ANO8: variants seen among roughly 807,000 people sequenced by gnomAD.
ANO8 encodes anoctamin 8.
ANO8 carries 67 observed loss-of-function variants against 120.4 expected under a neutral mutation model. That is an observed-to-expected ratio of 0.56 (90% CI 0.46 to 0.68). ANO8 has a LOEUF of 0.68. ANO8 is among the 30% of genes least tolerant of loss of function. ANO8 has a pLI of 0.00. For missense variants in ANO8, 1,526 were observed against 1,737.6 expected, an observed-to-expected ratio of 0.88 and a Z score of 2.16; for synonymous variants, 727 against 759.2, an observed-to-expected ratio of 0.96 and a Z score of 0.70.
chr19:17,323,928 C>T, intron 17 of ANO8, 44 bp from the exon 18 acceptor site: 5 of 1,104,012 alleles, frequency 4.5e-6, no homozygotes, highest in Non-Finnish European at 5.5e-6. Context: ...GCCGCCCCCG[C>T]CGGACCCCGC....
Position 17,329,820 on chromosome 19 carries a change from G to A in ANO8, c.1341C>T (p.Val447=). 1 of 1,613,904 alleles carries A rather than the reference G, an allele frequency of 6.2e-7. No individual in the cohort carries two copies. Among genetic ancestry groups the A allele is most frequent in the Non-Finnish European group, 8.5e-7 (1 of 1,179,964 alleles). Residue 447 remains valine, a synonymous_variant, in exon 12 of 18, where the codon GTC becomes GTT. Transcript: ENST00000159087. The stretch of plus-strand genomic sequence containing the variant: ...TGTAGAAGAGGCTCAGGTACGAGTT[G>A]ACAAACTGGAACTGCAGGAAGGAGG... The part of the protein sequence containing the change: ...LIIKVVLFQF[V]NSYLSLFYIG...
rs752432408 is a variant in ANO8, at chr19:17,330,877, G to A, written c.944C>T (p.Thr315Met). The A allele has an allele frequency of 6.2e-6, 10 of 1,614,100 alleles. No individual in the cohort carries two copies. The highest frequency in any genetic ancestry group is 1.6e-4 in the Middle Eastern group (1 of 6,062). ...CACGGCTTCCCCAGGTGAGTCCAGC[G>A]TCCCCCACTTATATGCCAGCTCAGC... is the stretch of plus-strand genomic sequence containing the variant. ...RGAELAYKWG[T>M]LDSPGEAVEE... Residue 315 changes from threonine (T) to methionine (M), a missense_variant, in exon 8 of 18, where the codon ACG (threonine) becomes ATG (methionine). Transcript: ENST00000159087.
rs1467071489 is a variant in ANO8 at position 17,323,806 on chromosome 19, G to A, written c.3410C>T (p.Pro1137Leu). ...SRSPAPPPPM[P>L]LPRPPTPPAG... is the part of the protein sequence containing the mutation. ...GGGCGGTGTCGGGGGCCGGGGCAGC[G>A]GCATTGGCGGCGGCGGCGCGGGGCT... The change falls in exon 18 of 18, where the codon CCG (proline) becomes CTG (leucine). Residue 1137 changes from proline to leucine, a missense_variant. Around this residue, in one of 8 missense-constraint regions of ANO8, gnomAD observed 489 missense variants for 548.6 expected, o/e 0.89. Coordinates refer to ENST00000159087, the MANE Select transcript of ANO8 (RefSeq NM_020959.3). 3.5e-6 allele frequency: 4 copies of A among 1,147,716 alleles called. No homozygotes were observed. Among genetic ancestry groups the A allele is most frequent in the Non-Finnish European group, 4.3e-6 (4 of 933,734 alleles). The allele number at this position is 1,147,716 out of a possible 1,614,324, so 71.1% of individuals were successfully genotyped here.
chr19:17,325,037 G>A lies in ANO8; in HGVS notation c.3011C>T (p.Ala1004Val), dbSNP rs376345438. 6 of 1,612,842 alleles carry A rather than the reference G, an allele frequency of 3.7e-6. No homozygotes were observed. In the African/African-American group the frequency reaches 8.0e-5, roughly 22 times the overall value. Residue 1004 changes from alanine to valine, a missense_variant, in exon 17 of 18, where the codon GCC becomes GTC. Transcript: ENST00000159087. ...TSSLAAAGAG[A>V]TTRPPPAQSP... ...CTGGGCAGGGGGAGGCCGGGTGGTG[G>A]CTCCGGCCCCTGCAGCAGCCAGTGA...
chr19:17,334,778 C>A lies in ANO8; in HGVS notation c.-108G>T, dbSNP rs1303671574. ...GCGCGCGGGAGGAGGAGACAAAGGC[C>A]GCGCCCGCCCGCGCCGGCCTCGGTC... On this transcript the variant is annotated 5_prime_UTR_variant, in exon 1 of 18. Coordinates refer to ENST00000159087, the MANE Select transcript of ANO8 (RefSeq NM_020959.3). 5.2e-6 allele frequency: 6 copies of A among 1,156,652 alleles called. No homozygotes were observed. The South Asian group carries it at 1.1e-4, about 21-fold the overall frequency. 71.6% of individuals were successfully genotyped at this position (1,156,652 alleles called of 1,614,324 possible). A position where few individuals can be genotyped will look rare whatever the true frequency, so the allele number is the denominator to read the frequency against.
intron 16 of ANO8, among the ~76,000 whole-genome samples, chr19:17,326,233 T>C (rs2074273143): frequency 6.6e-6 from 1 of 152,046 alleles, no homozygotes; most frequent in African/African-American, 2.4e-5. Context: ...GCAGGCTGGG[T>C]ACGGTGGCTC....
rs200487915 is a variant in ANO8, at chr19:17,331,278, C to A, written c.703+17G>T. 2 of 1,614,076 alleles carry A rather than the reference C, an allele frequency of 1.2e-6. No individual in the cohort carries two copies. The highest frequency in any genetic ancestry group is 1.7e-6 in the Non-Finnish European group (2 of 1,180,048). ...TGTCTGCTGGGACTCCCTCCCACCC[C>A]CCAGCCCAGGCAGCACCTAGAGGCT... On this transcript the variant is annotated intron_variant, in intron 6 of 17. Transcript: ENST00000159087.
Position 17,328,305 on chromosome 19 carries a change from G to A in ANO8, c.2083C>T (p.Pro695Ser), listed in dbSNP as rs1437079574. The A allele has an allele frequency of 6.2e-7, 1 of 1,600,150 alleles. No homozygotes were observed. The highest frequency in any genetic ancestry group is 1.7e-5 in the Admixed American group (1 of 58,618). ...CTGTTGGAGCCGGGTTCCGGGTCCG[G>A]GCCCCCGTCGGGCCCCTGGTCTCGG... Reference protein sequence around the residue: ...EGRDQGPDGGPDPEPGSNSDS... With the variant: ...EGRDQGPDGGSDPEPGSNSDS... The change falls in exon 13 of 18, where the codon CCG becomes TCG. Residue 695 changes from proline to serine, a missense_variant. By Grantham distance (74) the Pro-to-Ser change is moderately conservative. Around this residue, in one of 8 missense-constraint regions of ANO8, gnomAD observed 467 missense variants for 425.8 expected, o/e 1.10. Coordinates refer to ENST00000159087, the MANE Select transcript of ANO8 (RefSeq NM_020959.3).
At chr19:17,331,470 C>T (rs1305512709) in intron 5 of ANO8, 59 bp from the exon 6 acceptor site, 6 of 1,523,618 alleles carry the variant, frequency 3.9e-6, no homozygotes, top group Non-Finnish European at 5.4e-6. Context: ...GCCTGGCTAG[C>T]CCCTCTTTGT....
Position 17,323,848 on chromosome 19 carries a change from C to G in ANO8, c.3368G>C (p.Arg1123Pro). The stretch of plus-strand genomic sequence containing the variant: ...CGCGGGGCTCCGGCTGCGGCGGGTG[C>G]GGAGGGCAGGGGCGCCCACGGGGGC... ...ALAPVGAPALRTRRSRSPAPP... is the reference protein window; with the variant it reads ...ALAPVGAPALPTRRSRSPAPP... Residue 1123 changes from arginine (R) to proline (P), a missense_variant, in exon 18 of 18, where the codon CGC becomes CCC. Around this residue, in one of 8 missense-constraint regions of ANO8, gnomAD observed 489 missense variants for 548.6 expected, o/e 0.89. Coordinates refer to ENST00000159087, the MANE Select transcript of ANO8 (RefSeq NM_020959.3). The G allele has an allele frequency of 8.9e-7, 1 of 1,125,536 alleles. No individual in the cohort carries two copies. The highest frequency in any genetic ancestry group is 1.1e-6 in the Non-Finnish European group (1 of 919,868). The allele number at this position is 1,125,536 out of a possible 1,614,324, so 69.7% of individuals were successfully genotyped here.
chr19:17,331,787 C>A (rs1466240808), intron 5 of ANO8, among the ~76,000 whole-genome samples: 2 of 151,522 alleles, frequency 1.3e-5, no homozygotes, highest in East Asian at 1.9e-4. Flanking sequence ...GCGCCCACCA[C>A]CACGCCCAGC....
chr19:17,328,149 G>GC lies in ANO8; in HGVS notation c.2226+12dup, dbSNP rs762262865. On this transcript the variant is annotated intron_variant, in intron 13 of 17. Transcript: ENST00000159087. ...GAGGCCCCGCCCCCTGCGAGGCCCCGCCCCCTCCTCACCTCGTACTTCTTC... is the reference window on the plus strand; with the variant it reads ...GAGGCCCCGCCCCCTGCGAGGCCCCGCCCCCCTCCTCACCTCGTACTTCTTC... 7.8e-7 allele frequency: 1 copy of GC among 1,287,546 alleles called. No individual in the cohort carries two copies. The highest frequency in any genetic ancestry group is 3.4e-5 in the East Asian group (1 of 29,592). 79.8% of individuals were successfully genotyped at this position (1,287,546 alleles called of 1,614,324 possible). A position where few individuals can be genotyped will look rare whatever the true frequency, so the allele number is the denominator to read the frequency against.
In ANO8 at chr19:17,330,585, C is replaced by T. The variant is rs542239905; in HGVS notation, c.994-81G>A. 6.9e-6 allele frequency: 10 copies of T among 1,445,956 alleles called. No individual in the cohort carries two copies. In the Admixed American group the frequency reaches 2.5e-4, roughly 36 times the overall value. 89.6% of individuals were successfully genotyped at this position (1,445,956 alleles called of 1,614,324 possible). A position where few individuals can be genotyped will look rare whatever the true frequency, so the allele number is the denominator to read the frequency against. Reference sequence around the variant, plus strand: ...TCTGCACCCCTCCCTATCCTCAGAACTCAATTTCCCTCCATCATGCGGAGG... The same window carrying T: ...TCTGCACCCCTCCCTATCCTCAGAATTCAATTTCCCTCCATCATGCGGAGG... On this transcript the variant is annotated intron_variant, in intron 8 of 17. Transcript: ENST00000159087.
chr19:17,323,668 G>C lies in ANO8; in HGVS notation c.3548C>G (p.Pro1183Arg), dbSNP rs1252978636. ...GTCTCCCGGCAGGGGCTGGGGGGCG[G>C]GTGGGGGCCCGGCCATGGCACAGGG... The part of the protein sequence containing the change: ...CPPCAMAGPP[P>R]APQPLPGDAS... The change falls in exon 18 of 18, where the codon CCC becomes CGC. Residue 1183 changes from proline to arginine, a missense_variant. This residue lies in a region of ANO8 where 489 missense variants were observed against 548.6 expected (regional missense o/e 0.89). Coordinates refer to ENST00000159087, the MANE Select transcript of ANO8 (RefSeq NM_020959.3). 1 of 1,214,568 alleles carries C rather than the reference G, an allele frequency of 8.2e-7. No homozygotes were observed. Among genetic ancestry groups the C allele is most frequent in the Non-Finnish European group, 1.0e-6 (1 of 975,340 alleles). The allele number at this position is 1,214,568 out of a possible 1,614,324, so 75.2% of individuals were successfully genotyped here.
rs754704692 is a variant in ANO8 at position 17,331,007 on chromosome 19, G to A, written c.832-18C>T. 6.4e-5 allele frequency: 103 copies of A among 1,613,988 alleles called. 1 individual carries two copies. The South Asian group carries it at 6.5e-4, about 10-fold the overall frequency. ...CGGCTTGTCTGTGAGTGGCAGAGAA[G>A]AGTTGAGTCATTGTTTGTGCCAGTC... On this transcript the variant is annotated intron_variant, in intron 7 of 17. Coordinates refer to ENST00000159087, the MANE Select transcript of ANO8 (RefSeq NM_020959.3).
rs753044361 is a variant in ANO8, at chr19:17,325,313, C to G, written c.2735G>C (p.Arg912Pro). 3.7e-6 allele frequency: 6 copies of G among 1,604,922 alleles called. No individual in the cohort carries two copies. Among genetic ancestry groups the G allele is most frequent in the African/African-American group, 1.3e-5 (1 of 74,944 alleles). The change falls in exon 17 of 18, where the codon CGC becomes CCC. Residue 912 changes from arginine (R) to proline (P), a missense_variant. Around this residue, in one of 8 missense-constraint regions of ANO8, gnomAD observed 489 missense variants for 548.6 expected, o/e 0.89. Transcript: ENST00000159087. ...RRRREEEERQ[R>P]HAEHHARREH... ...CCGCCGGGCATGGTGCTCTGCATGG[C>G]GCTGTCGCTCCTCCTCCTCCCGCCG...
chr19:17,327,575 G>A lies in ANO8; in HGVS notation c.2419-6C>T. ...CCCATGGCCTCCATCACCTTCTGCAGGGCGGCAGGAGGGCTCAGGCGGGGT... is the reference window on the plus strand; with the variant it reads ...CCCATGGCCTCCATCACCTTCTGCAAGGCGGCAGGAGGGCTCAGGCGGGGT... On this transcript the variant is annotated splice_polypyrimidine_tract_variant and splice_region_variant and intron_variant, in intron 14 of 17. Coordinates refer to ENST00000159087, the MANE Select transcript of ANO8 (RefSeq NM_020959.3). The A allele has an allele frequency of 1.2e-6, 2 of 1,613,324 alleles. No homozygotes were observed. Among genetic ancestry groups the A allele is most frequent in the African/African-American group, 2.7e-5 (2 of 75,040 alleles).
At position 17,333,730 on chromosome 19, in the gene ANO8, C is replaced by A. The variant is rs753414351; in HGVS notation, c.177G>T (p.Thr59=). The A allele has an allele frequency of 5.0e-6, 8 of 1,609,046 alleles. No homozygotes were observed. In the South Asian group the frequency reaches 8.9e-5, roughly 18 times the overall value. ...YLVSHKAWMK[T]VPTENCDVLM... ...GCACGTCGCAGTTCTCTGTAGGCAC[C>A]GTCTTCATCCACGCCTTGTGGGACA... is the stretch of plus-strand genomic sequence containing the variant. The change falls in exon 2 of 18, where the codon ACG becomes ACT. Residue 59 remains threonine (T), a synonymous_variant. Coordinates refer to ENST00000159087, the MANE Select transcript of ANO8 (RefSeq NM_020959.3). The surrounding 1 kb of genome is among the most constrained non-coding windows in gnomAD (Gnocchi z 7.2).
At chr19:17,328,057 A>G (rs904817302) in intron 13 of ANO8, 105 bp downstream of exon 13, 14 of 1,359,850 alleles carry the variant, frequency 1.0e-5, no homozygotes, top group African/African-American at 4.4e-5. Flanking sequence ...CCCAACATCA[A>G]TGGCCCTGTT....
Sources: gnomAD v4.1 joint callset for allele counts (sites outside exome capture counted in the v4.1 genomes callset) on GRCh38, gnomAD v4.1.1 for gene constraint, gnomAD v4.1.1 regional missense constraint, Gnocchi (gnomAD v3.1) non-coding constraint, MANE v1.5 for transcripts, NCBI Gene and HGNC (gene_info 2026-07-23, HGNC 2026-07-21) for gene names.